The following ASAP1 variants were observed in gnomAD, a reference collection of about 807,000 sequenced individuals.
The protein encoded by ASAP1 is arf-GAP with SH3 domain, ANK repeat and PH domain-containing protein 1.
In ASAP1, 43 loss-of-function variants were observed where a neutral mutation model predicts 145.2. The observed-to-expected ratio is 0.30, with a 90% CI of 0.23 to 0.38. The LOEUF is 0.38. ASAP1 is among the 10% of genes least tolerant of loss of function. The pLI is 1.00. For synonymous variants in ASAP1, 546 were observed against 515.5 expected, an observed-to-expected ratio of 1.06 and a Z score of -0.80; for missense variants, 1,018 against 1,355.3, an observed-to-expected ratio of 0.75 and a Z score of 3.91.
chr8:130,398,307 A>C (rs561421865), intron 2 of ASAP1, among the ~76,000 whole-genome samples: 1 of 152,312 alleles, frequency 6.6e-6, no homozygotes, highest in Admixed American at 6.5e-5. Context: ...GTAGACCATG[A>C]ATGGCATCTG....
intron 5 of ASAP1, among the ~76,000 whole-genome samples, chr8:130,207,627 A>G (rs1163497904): frequency 6.6e-6 from 1 of 152,256 alleles, no homozygotes; most frequent in African/African-American, 2.4e-5. Flanking sequence ...AGCCCACACA[A>G]GTAAGATGCT....
chr8:130,373,307 T>C (rs1426523448), intron 2 of ASAP1, among the ~76,000 whole-genome samples: 1 of 152,152 alleles, frequency 6.6e-6, no homozygotes, highest in African/African-American at 2.4e-5. Context: ...GCTCCCATTT[T>C]CTCTTACCAT....
intron 27 of ASAP1, among the ~76,000 whole-genome samples, chr8:130,061,491 A>G (rs1435729382): frequency 6.6e-6 from 1 of 152,166 alleles, no homozygotes; most frequent in Non-Finnish European, 1.5e-5. Flanking sequence ...TAGCAACAGT[A>G]TTTGTCATGT....
At chr8:130,385,507 C>G (rs574037190) in intron 2 of ASAP1, among the ~76,000 whole-genome samples, 2 of 152,152 alleles carry the variant, frequency 1.3e-5, no homozygotes, top group Admixed American at 6.5e-5. Flanking sequence ...GCTCAGCGCC[C>G]GAGGTGGGGG....
chr8:130,249,225 T>C (rs6470810), intron 3 of ASAP1, among the ~76,000 whole-genome samples: 3,750 of 152,236 alleles, frequency 0.025, 70 homozygotes, highest in East Asian at 0.063. Context: ...GTCATGCCAC[T>C]CTCTGACTTT....
intron 1 of ASAP1, among the ~76,000 whole-genome samples, chr8:130,407,802 T>C (rs1829100648): frequency 6.6e-6 from 1 of 152,228 alleles, no homozygotes; most frequent in Non-Finnish European, 1.5e-5. Flanking sequence ...AATAGGTGTT[T>C]TTTATTCAAC....
chr8:130,247,907 G>A (rs953702763), intron 3 of ASAP1, among the ~76,000 whole-genome samples: 3 of 152,194 alleles, frequency 2.0e-5, no homozygotes, highest in African/African-American at 4.8e-5. Flanking sequence ...TCGCTGGCAT[G>A]TGTACCTGCA....
chr8:130,105,395 T>A (rs993650332), intron 24 of ASAP1, among the ~76,000 whole-genome samples: 1 of 152,224 alleles, frequency 6.6e-6, no homozygotes, highest in South Asian at 2.1e-4. Flanking sequence ...AGTTTTGGCA[T>A]GGGATAACTG....
intron 26 of ASAP1, among the ~76,000 whole-genome samples, chr8:130,077,115 G>A (rs2097464261): frequency 6.6e-6 from 1 of 152,236 alleles, no homozygotes; most frequent in Non-Finnish European, 1.5e-5. Context: ...AGAGGTAGAA[G>A]TGGAAATTCG....
intron 27 of ASAP1, among the ~76,000 whole-genome samples, chr8:130,070,532 C>A (rs1592730743): frequency 2.6e-5 from 4 of 152,042 alleles, no homozygotes; most frequent in African/African-American, 9.7e-5. Flanking sequence ...TTGATAACCC[C>A]CTGTGGAGCA....
At chr8:130,236,456 TGATA>T (rs959543587) in intron 4 of ASAP1, among the ~76,000 whole-genome samples, 20 of 152,114 alleles carry the variant, frequency 1.3e-4, no homozygotes, top group Admixed American at 1.2e-3. Flanking sequence ...AAAGAAAAGA[TGATA>T]GTTCACAGGT....
intron 2 of ASAP1, among the ~76,000 whole-genome samples, chr8:130,395,008 T>A (rs1290435539): frequency 6.6e-6 from 1 of 152,104 alleles, no homozygotes; most frequent in Non-Finnish European, 1.5e-5. Flanking sequence ...GACTCCCTCA[T>A]CAACCATCAG....
At chr8:130,136,463 TG>T (rs1337173708) in intron 14 of ASAP1, among the ~76,000 whole-genome samples, 1 of 152,138 alleles carries the variant, frequency 6.6e-6, no homozygotes, top group Admixed American at 6.5e-5. Flanking sequence ...GATATAACTC[TG>T]GGCAAATTCG....
intron 4 of ASAP1, among the ~76,000 whole-genome samples, chr8:130,221,389 G>A (rs1329892124): frequency 6.6e-6 from 1 of 152,150 alleles, no homozygotes; most frequent in Non-Finnish European, 1.5e-5. Context: ...TTTCTAGGAA[G>A]AGGAGAAAAA....
intron 25 of ASAP1, among the ~76,000 whole-genome samples, chr8:130,086,633 G>A (rs1048220277): frequency 6.6e-6 from 1 of 152,002 alleles, no homozygotes; most frequent in Non-Finnish European, 1.5e-5. Flanking sequence ...GTGAAACCCC[G>A]TCTCCACAAA....
intron 3 of ASAP1, among the ~76,000 whole-genome samples, chr8:130,326,628 G>A (rs184701534): frequency 6.3e-4 from 96 of 152,240 alleles, no homozygotes; most frequent in Admixed American, 2.0e-3. Context: ...GTGTCCATCC[G>A]GAGGCCAACA....
chr8:130,420,910 G>T (rs1181883292), intron 1 of ASAP1, among the ~76,000 whole-genome samples: 5 of 149,878 alleles, frequency 3.3e-5, no homozygotes, highest in African/African-American at 1.2e-4. Context: ...AAAAAAAAAA[G>T]TTACTTCATT....
intron 25 of ASAP1, among the ~76,000 whole-genome samples, chr8:130,086,342 A>G (rs2097493055): frequency 6.6e-6 from 1 of 152,268 alleles, no homozygotes; most frequent in Admixed American, 6.5e-5. Flanking sequence ...ACCATGGTTA[A>G]GAATGAGGTA....
chr8:130,376,682 C>T (rs377117935), intron 2 of ASAP1, among the ~76,000 whole-genome samples: 15 of 151,908 alleles, frequency 9.9e-5, no homozygotes, highest in South Asian at 2.1e-4. Flanking sequence ...GCCAAGATTG[C>T]GCCACAGCAC....
Sources: allele counts gnomAD v4.1 joint callset (sites outside exome capture counted in the v4.1 genomes callset), GRCh38; gene constraint gnomAD v4.1.1; transcripts MANE v1.5; gene names NCBI Gene and HGNC (gene_info 2026-07-23, HGNC 2026-07-21).